NRP1: variants seen among roughly 807,000 people sequenced by gnomAD.
NRP1 encodes the protein neuropilin-1.
In NRP1, 35 loss-of-function variants were observed where a neutral mutation model predicts 106.7. The ratio of observed to expected loss-of-function variants is 0.33; its 90% CI spans 0.25 to 0.43. The LOEUF is 0.43. NRP1 is among the 20% of genes least tolerant of loss of function. The pLI, the probability that NRP1 is intolerant of heterozygous loss-of-function variation, is 1.00. For missense variants in NRP1, 1,024 were observed against 1,170.4 expected, an observed-to-expected ratio of 0.87 and a Z score of 1.83; for synonymous variants, 437 against 417.9, an observed-to-expected ratio of 1.05 and a Z score of -0.56.
At chr10:33,196,351 T>C (rs1836784736) in intron 12 of NRP1, among the ~76,000 whole-genome samples, 1 of 152,192 alleles carries the variant, frequency 6.6e-6, no homozygotes, top group Non-Finnish European at 1.5e-5. Context: ...CCCTCTTCCC[T>C]ATCCCAGAAA....
chr10:33,215,396 T>C (rs1838677902), intron 8 of NRP1, among the ~76,000 whole-genome samples: 1 of 152,240 alleles, frequency 6.6e-6, no homozygotes, highest in Non-Finnish European at 1.5e-5. Flanking sequence ...AGCTAGATTA[T>C]AAGATCTTCA....
chr10:33,334,048 G>A (rs1848458219), intron 1 of NRP1, among the ~76,000 whole-genome samples: 1 of 152,222 alleles, frequency 6.6e-6, no homozygotes, highest in African/African-American at 2.4e-5. Flanking sequence ...TGGGAAGGTA[G>A]ACAGCTCTGT....
At chr10:33,244,484 T>C (rs1198009998) in intron 6 of NRP1, among the ~76,000 whole-genome samples, 1 of 152,218 alleles carries the variant, frequency 6.6e-6, no homozygotes, top group Non-Finnish European at 1.5e-5. Context: ...AATTGTATAA[T>C]AACAGAAGTT....
chr10:33,319,999 G>C (rs925436960), intron 2 of NRP1, among the ~76,000 whole-genome samples: 18 of 151,992 alleles, frequency 1.2e-4, no homozygotes, highest in Admixed American at 1.1e-3. Context: ...ACACAAGGGG[G>C]CGCGCGGGGC....
chr10:33,334,277 C>T (rs1169489876), intron 1 of NRP1, 33 bp downstream of exon 1: 2 of 1,533,262 alleles, frequency 1.3e-6, no homozygotes, highest in Admixed American at 2.0e-5. Flanking sequence ...AGCCGGGGCG[C>T]CGCTGTCACC....
intron 6 of NRP1, among the ~76,000 whole-genome samples, chr10:33,251,500 C>A (rs540966115): frequency 6.6e-6 from 1 of 152,292 alleles, no homozygotes; most frequent in African/African-American, 2.4e-5. Context: ...CTGGCCCAGC[C>A]ATAGAACATG....
chr10:33,208,899 C>CTTTTTTT (rs11310131), intron 9 of NRP1, among the ~76,000 whole-genome samples: 6 of 85,240 alleles, frequency 7.0e-5, no homozygotes, highest in African/African-American at 1.4e-4. Flanking sequence ...TTAGAGCAGC[C>CTTTTTTT]TTTTTTTTTT....
chr10:33,200,449 G>A (rs566505199), intron 11 of NRP1, among the ~76,000 whole-genome samples: 3 of 152,234 alleles, frequency 2.0e-5, no homozygotes, highest in South Asian at 2.1e-4. Context: ...TGTAAGTAAC[G>A]AGCATTTCAT....
chr10:33,277,117 A>G (rs1464058443), intron 2 of NRP1, among the ~76,000 whole-genome samples: 1 of 152,056 alleles, frequency 6.6e-6, no homozygotes, highest in Non-Finnish European at 1.5e-5. Context: ...AAATTAAAAA[A>G]AAAAAAAAGA....
intron 2 of NRP1, among the ~76,000 whole-genome samples, chr10:33,285,346 C>A (rs1257007450): frequency 6.6e-6 from 1 of 152,076 alleles, no homozygotes; most frequent in Non-Finnish European, 1.5e-5. Context: ...AAAACTGGAG[C>A]CCAGAACACT....
Position 33,267,314 on chromosome 10 carries a change from G to A in NRP1, c.430+3361C>T, listed in dbSNP as rs189719272. On this transcript the variant is annotated intron_variant, in intron 3 of 16. Transcript: ENST00000374867. ...GATGAGAATACAACACAGGAGATGA[G>A]CAGGAGTGAGGCCAACAGCCCTGGG... Among the ~76,000 whole-genome samples the A allele has an allele frequency of 6.6e-5, 10 of 152,278 alleles. No individual in the cohort carries two copies. In the South Asian group the frequency reaches 2.1e-3, roughly 32 times the overall value.
rs1588955886 is a variant in NRP1 at position 33,302,549 on chromosome 10, G to A, written c.248+28159C>T. ...CCTCTGTTGGAGGGTACATTACTAG[G>A]TATCTATGGCAGAGGTGACAGGCAA... On this transcript the variant is annotated intron_variant, in intron 2 of 16. Transcript: ENST00000374867. Among the ~76,000 whole-genome samples, 4 of 152,336 alleles carry A rather than the reference G, an allele frequency of 2.6e-5. No homozygotes were observed. The South Asian group carries it at 6.2e-4, about 24-fold the overall frequency.
At chr10:33,303,038 C>T (rs1301143121) in intron 2 of NRP1, among the ~76,000 whole-genome samples, 1 of 152,154 alleles carries the variant, frequency 6.6e-6, no homozygotes, top group Non-Finnish European at 1.5e-5. Flanking sequence ...CCCGTGATTT[C>T]ATTATGAGCT....
chr10:33,182,500 A>G (rs371894516), intron 16 of NRP1, among the ~76,000 whole-genome samples, 198 bp downstream of exon 16: 5 of 152,110 alleles, frequency 3.3e-5, no homozygotes, highest in African/African-American at 7.2e-5. Flanking sequence ...AGGCTCCCCA[A>G]GTCTTATGGG....
chr10:33,260,174 C>CT (rs896667502), intron 4 of NRP1, among the ~76,000 whole-genome samples: 1 of 152,092 alleles, frequency 6.6e-6, no homozygotes, highest in African/African-American at 2.4e-5. Flanking sequence ...TAAAGGTATC[C>CT]TTTTTAAAAT....
At chr10:33,212,324 A>G (rs1838368995) in intron 9 of NRP1, 1 of 152,270 alleles carries the variant, frequency 6.6e-6, no homozygotes, top group South Asian at 2.1e-4. Flanking sequence ...GTATAAACAC[A>G]CAATGAATAT....
In NRP1 at chr10:33,179,971, C is replaced by A; in HGVS notation, c.*105G>T. 1.1e-5 allele frequency: 13 copies of A among 1,192,950 alleles called. No individual in the cohort carries two copies. Among genetic ancestry groups the A allele is most frequent in the Non-Finnish European group, 1.6e-5 (13 of 830,900 alleles). 73.9% of individuals were successfully genotyped at this position (1,192,950 alleles called of 1,614,324 possible). ...CCTGAGAAAAGCCTGGCTCAGTGGTCATCAACACACTTCCCAGCCTGTATA... is the reference window on the plus strand; with the variant it reads ...CCTGAGAAAAGCCTGGCTCAGTGGTAATCAACACACTTCCCAGCCTGTATA... On this transcript the variant is annotated 3_prime_UTR_variant, in exon 17 of 17. Transcript: ENST00000374867.
At chr10:33,248,582 T>G (rs561529356) in intron 6 of NRP1, among the ~76,000 whole-genome samples, 62 of 152,256 alleles carry the variant, frequency 4.1e-4, no homozygotes, top group African/African-American at 1.4e-3. Flanking sequence ...ACGTTAATAT[T>G]ATTTGAGAAA....
intron 2 of NRP1, among the ~76,000 whole-genome samples, chr10:33,294,104 A>C (rs1223653180): frequency 1.3e-5 from 2 of 152,188 alleles, no homozygotes; most frequent in Non-Finnish European, 2.9e-5. Context: ...ATTCCTTCCA[A>C]ATAACATGCT....
Sources: gnomAD v4.1 joint callset for allele counts (sites outside exome capture counted in the v4.1 genomes callset) on GRCh38, gnomAD v4.1.1 for gene constraint, MANE v1.5 for transcripts, NCBI Gene and HGNC (gene_info 2026-07-23, HGNC 2026-07-21) for gene names.